The following FHIT variants were observed in gnomAD, a reference collection of about 807,000 sequenced individuals.
FHIT encodes the protein bis(5'-adenosyl)-triphosphatase.
A neutral mutation model predicts 17.9 loss-of-function variants in FHIT; 19 were observed. The ratio of observed to expected loss-of-function variants is 1.06; its 90% CI spans 0.74 to 1.56. FHIT has a LOEUF of 1.56. Ranked by LOEUF, FHIT falls within the 40% of genes most tolerant of loss-of-function variation. FHIT has a pLI of 0.00. For missense variants in FHIT, 248 were observed against 189.2 expected, an observed-to-expected ratio of 1.31 and a Z score of -1.82; for synonymous variants, 81 against 69.7, an observed-to-expected ratio of 1.16 and a Z score of -0.81.
intron 4 of FHIT, among the ~76,000 whole-genome samples, chr3:60,596,314 C>T (rs1553666464): frequency 6.6e-6 from 1 of 152,118 alleles, no homozygotes; most frequent in Admixed American, 6.6e-5. Context: ...CTTCAGCACG[C>T]ACAGGCTGCA....
intron 8 of FHIT, among the ~76,000 whole-genome samples, chr3:59,830,644 A>T (rs559279405): frequency 6.6e-6 from 1 of 152,334 alleles, no homozygotes; most frequent in East Asian, 1.9e-4. Flanking sequence ...GTCTAGTCTA[A>T]ACATTCAATG....
At chr3:61,224,767 G>C (rs1237786065) in intron 1 of FHIT, among the ~76,000 whole-genome samples, 1 of 152,134 alleles carries the variant, frequency 6.6e-6, no homozygotes, top group Non-Finnish European at 1.5e-5. Flanking sequence ...AAGGATGACA[G>C]CATTTCCACC....
chr3:60,313,944 T>C (rs1304271783), intron 5 of FHIT, among the ~76,000 whole-genome samples: 4 of 152,220 alleles, frequency 2.6e-5, no homozygotes, highest in South Asian at 2.1e-4. Context: ...TAATTATCTC[T>C]GCTAGAGACT....
intron 2 of FHIT, among the ~76,000 whole-genome samples, chr3:61,128,791 T>G (rs1030424874): frequency 6.6e-6 from 1 of 152,020 alleles, no homozygotes; most frequent in Admixed American, 6.6e-5. Flanking sequence ...TTTTTCTTAA[T>G]TCTCAATGTT....
intron 5 of FHIT, among the ~76,000 whole-genome samples, chr3:60,054,987 G>A (rs1234610167): frequency 6.6e-6 from 1 of 152,030 alleles, no homozygotes; most frequent in Non-Finnish European, 1.5e-5. Flanking sequence ...TCTGTGTGTG[G>A]GTTGCGTGTT....
chr3:60,183,283 A>C (rs1274788966), intron 5 of FHIT, among the ~76,000 whole-genome samples: 2 of 152,146 alleles, frequency 1.3e-5, no homozygotes, highest in African/African-American at 4.8e-5. Context: ...CTGTAATCCC[A>C]GCTACTTGGG....
intron 8 of FHIT, among the ~76,000 whole-genome samples, chr3:59,879,565 C>CATGT (rs1703310822): frequency 6.6e-6 from 1 of 152,108 alleles, no homozygotes; most frequent in Non-Finnish European, 1.5e-5. Context: ...GAAATCTTAA[C>CATGT]TATGTGATGC....
chr3:60,476,610 G>C (rs555920262), intron 5 of FHIT, among the ~76,000 whole-genome samples: 14 of 152,156 alleles, frequency 9.2e-5, no homozygotes, highest in Admixed American at 2.6e-4. Context: ...GTTCTCAGGA[G>C]GGGTATTCAA....
At chr3:59,913,957 A>G (rs17366548) in intron 8 of FHIT, among the ~76,000 whole-genome samples, 41,876 of 152,122 alleles carry the variant, frequency 0.28, 6,731 homozygotes, top group Non-Finnish European at 0.38. Context: ...GGGGAAGGTC[A>G]TAACAGTCTC....
chr3:60,739,901 A>T (rs781801525), intron 4 of FHIT, among the ~76,000 whole-genome samples: 1 of 152,244 alleles, frequency 6.6e-6, no homozygotes, highest in African/African-American at 2.4e-5. Context: ...ATGTAGAAAG[A>T]TACTGTTCCT....
intron 5 of FHIT, among the ~76,000 whole-genome samples, chr3:60,302,406 G>A (rs1708491672): frequency 2.0e-5 from 3 of 151,808 alleles, no homozygotes; most frequent in Admixed American, 2.0e-4. Context: ...TCCTATCTTA[G>A]GGCCTCTGAC....
chr3:61,073,956 G>A (rs115775256), intron 2 of FHIT, among the ~76,000 whole-genome samples: 2,949 of 152,210 alleles, frequency 0.019, 89 homozygotes, highest in African/African-American at 0.067. Flanking sequence ...ACAAAGCAGC[G>A]GTTTATTCTT....
chr3:60,132,949 A>G (rs753855116), intron 5 of FHIT, among the ~76,000 whole-genome samples: 5 of 152,142 alleles, frequency 3.3e-5, no homozygotes, highest in Non-Finnish European at 7.3e-5. Flanking sequence ...CTGAAGACAA[A>G]TGACATACTG....
At chr3:60,477,698 A>G (rs2033415285) in intron 5 of FHIT, among the ~76,000 whole-genome samples, 1 of 152,350 alleles carries the variant, frequency 6.6e-6, no homozygotes, top group Non-Finnish European at 1.5e-5. Context: ...AACAATCGGT[A>G]TAGGCATGTA....
intron 3 of FHIT, among the ~76,000 whole-genome samples, chr3:61,033,291 A>G (rs1361384106): frequency 1.3e-5 from 2 of 152,166 alleles, no homozygotes; most frequent in Non-Finnish European, 2.9e-5. Context: ...CATATTGTCT[A>G]TGGCTGCTTT....
At chr3:60,494,564 C>G (rs149390614) in intron 5 of FHIT, among the ~76,000 whole-genome samples, 1 of 152,014 alleles carries the variant, frequency 6.6e-6, no homozygotes, top group Non-Finnish European at 1.5e-5. Context: ...AGGTCTTATT[C>G]ATGTTTTCTA....
intron 4 of FHIT, among the ~76,000 whole-genome samples, chr3:60,584,227 C>T (rs1354915835): frequency 6.6e-6 from 1 of 151,978 alleles, no homozygotes; most frequent in Admixed American, 6.6e-5. Flanking sequence ...TGAAATTGGC[C>T]ATGGTGGGAG....
intron 2 of FHIT, among the ~76,000 whole-genome samples, chr3:61,112,298 T>C (rs1279406419): frequency 6.6e-6 from 1 of 151,390 alleles, no homozygotes; most frequent in African/African-American, 2.4e-5. Context: ...AATCTGTGCC[T>C]GGGAATATGG....
rs993152561 is a variant in FHIT at position 60,929,496 on chromosome 3, T to G, written c.-110-107485A>C. On this transcript the variant is annotated intron_variant, in intron 3 of 9. Transcript: ENST00000492590. ...TCAGCCCAAAATCTCCTTAAGCTGA[T>G]AGGCAACTTCAGCAAAGTCTCAGGA... Among the ~76,000 whole-genome samples, 5 of 152,202 alleles carry G rather than the reference T, an allele frequency of 3.3e-5. No homozygotes were observed. In the South Asian group the frequency reaches 6.2e-4, roughly 19 times the overall value.
Sources: gnomAD v4.1 joint callset for allele counts (sites outside exome capture counted in the v4.1 genomes callset) on GRCh38, gnomAD v4.1.1 for gene constraint, MANE v1.5 for transcripts, NCBI Gene and HGNC (gene_info 2026-07-23, HGNC 2026-07-21) for gene names.